PDK1: variants seen among roughly 807,000 people sequenced by gnomAD.
PDK1 encodes the protein [Pyruvate dehydrogenase (acetyl-transferring)] kinase isozyme 1, mitochondrial.
In PDK1, 39 loss-of-function variants were observed where a neutral mutation model predicts 54.2. The observed-to-expected ratio is 0.72, with a 90% confidence interval of 0.56 to 0.94. PDK1 has a LOEUF of 0.94. Ranked by LOEUF, PDK1 falls within the 40% of genes least tolerant of loss-of-function variation. PDK1 has a pLI of 0.00. For synonymous variants in PDK1, 221 were observed against 207.1 expected (o/e 1.07, Z -0.58); for missense variants, 552 against 566.0 (o/e 0.98, Z 0.25).
chr2:172,688,860 G>A, the PDK1 span, among the ~76,000 whole-genome samples: 4 of 152,298 alleles, frequency 2.6e-5, no homozygotes, highest in East Asian at 7.7e-4. Context: ...AGCATCTTCT[G>A]CTGAAGGTGT....
At chr2:172,571,879 G>C (rs1439637028) in intron 8 of PDK1, among the ~76,000 whole-genome samples, 1 of 136,874 alleles carries the variant, frequency 7.3e-6, no homozygotes, top group African/African-American at 2.8e-5. Flanking sequence ...TTGCCCCAGG[G>C]TGGAATGCGG....
chr2:172,595,779 G>T (rs1208386951), intron 10 of PDK1, 50 bp from the exon 11 acceptor site: 1 of 1,531,568 alleles, frequency 6.5e-7, no homozygotes, highest in African/African-American at 1.4e-5. Context: ...CTCAAATAAT[G>T]AATTCTAAAA....
At chr2:172,693,858 C>G in the PDK1 span, among the ~76,000 whole-genome samples, 77 of 152,312 alleles carry the variant, frequency 5.1e-4, 1 homozygote, top group Middle Eastern at 6.8e-3. Flanking sequence ...GCCCAGCCCA[C>G]TCCCTAACTA....
chr2:172,640,764 G>A, the PDK1 span, among the ~76,000 whole-genome samples: 2 of 152,140 alleles, frequency 1.3e-5, no homozygotes, highest in African/African-American at 4.8e-5. Context: ...GGGACCAAGG[G>A]CCCTCTAAAG....
chr2:172,678,979 T>C, the PDK1 span: 3 of 151,878 alleles, frequency 2.0e-5, no homozygotes, highest in Non-Finnish European at 4.4e-5. Context: ...GAGCTTAGAG[T>C]GTATGATGTT....
At chr2:172,562,988 A>G (rs1688736953) in intron 3 of PDK1, among the ~76,000 whole-genome samples, 1 of 152,196 alleles carries the variant, frequency 6.6e-6, no homozygotes. Context: ...ATTTTTTTAA[A>G]CATGATTTTA....
At chr2:172,704,037 G>A in the PDK1 span, among the ~76,000 whole-genome samples, 1 of 151,966 alleles carries the variant, frequency 6.6e-6, no homozygotes, top group Non-Finnish European at 1.5e-5. Context: ...GCCTCCCAAA[G>A]TGCTGGGATT....
At chr2:172,698,669 A>G in the PDK1 span, among the ~76,000 whole-genome samples, 1 of 152,244 alleles carries the variant, frequency 6.6e-6, no homozygotes, top group Non-Finnish European at 1.5e-5. Context: ...CAGCATTCAC[A>G]TGGGTAACAA....
intron 7 of PDK1, 70 bp downstream of exon 7, chr2:172,568,887 A>G (rs1388828260): frequency 8.2e-6 from 7 of 852,876 alleles, no homozygotes; most frequent in African/African-American, 3.3e-5. Context: ...CTGAAAGCCA[A>G]ATATTCCACT....
the PDK1 span, among the ~76,000 whole-genome samples, chr2:172,667,711 T>C: frequency 9.9e-5 from 15 of 152,244 alleles, no homozygotes; most frequent in Admixed American, 9.8e-4. Flanking sequence ...TTCTGTATTC[T>C]GTAGTGCTCT....
the PDK1 span, among the ~76,000 whole-genome samples, chr2:172,622,573 CAT>C: frequency 8.6e-5 from 12 of 139,888 alleles, no homozygotes; most frequent in African/African-American, 1.9e-4. Flanking sequence ...GTTTATATCT[CAT>C]ATATTATGTG....
At chr2:172,639,275 C>A in the PDK1 span, among the ~76,000 whole-genome samples, 2 of 152,186 alleles carry the variant, frequency 1.3e-5, no homozygotes, top group African/African-American at 4.8e-5. Context: ...ATGTAGCCAG[C>A]CGTGGAGGGA....
the PDK1 span, among the ~76,000 whole-genome samples, chr2:172,620,558 T>TCC: frequency 6.6e-6 from 1 of 152,026 alleles, no homozygotes; most frequent in Non-Finnish European, 1.5e-5. Flanking sequence ...TAGCTCTGTC[T>TCC]CCCCCACTCA....
At chr2:172,670,603 G>A in the PDK1 span, among the ~76,000 whole-genome samples, 1 of 151,546 alleles carries the variant, frequency 6.6e-6, no homozygotes. Flanking sequence ...ATTTCCCTTG[G>A]GCATTAAGTA....
rs1412477195 is a variant in PDK1 at position 172,602,741 on chromosome 2, A to G, written c.*6772A>G. On this transcript the variant is annotated 3_prime_UTR_variant, in exon 11 of 11. Transcript: ENST00000282077. The stretch of plus-strand genomic sequence containing the variant: ...GTGTTTGGGTAAACATTAGACTTAT[A>G]AAAGGGCCTAGGGTTTTTTTGTTTG... The G allele has an allele frequency of 6.6e-6, 1 of 152,208 alleles. No individual in the cohort carries two copies. Among genetic ancestry groups the G allele is most frequent in the African/African-American group, 2.4e-5 (1 of 41,454 alleles). 9.4% of individuals were successfully genotyped at this position (152,208 alleles called of 1,614,324 possible). A position where few individuals can be genotyped will look rare whatever the true frequency, so the allele number is the denominator to read the frequency against.
At chr2:172,689,558 A>G in the PDK1 span, among the ~76,000 whole-genome samples, 2 of 152,216 alleles carry the variant, frequency 1.3e-5, no homozygotes, top group South Asian at 4.1e-4. Flanking sequence ...CCTAAGCAAA[A>G]AGAACAAAGC....
chr2:172,604,957 AGC>A lies in PDK1; in HGVS notation c.*8989_*8990del, dbSNP rs1374112593. ...ATGGCAGGCAGTAAATGGCTTATTA[AGC>A]AAGTATAAGATTCAAGATCTCAGCC... On this transcript the variant is annotated 3_prime_UTR_variant, in exon 11 of 11. Coordinates refer to ENST00000282077, the MANE Select transcript of PDK1 (RefSeq NM_002610.5). 18 of 152,236 alleles carry A rather than the reference AGC, an allele frequency of 1.2e-4. No individual in the cohort carries two copies. Among genetic ancestry groups the A allele is most frequent in the Non-Finnish European group, 1.9e-4 (13 of 68,048 alleles). 9.4% of individuals were successfully genotyped at this position (152,236 alleles called of 1,614,324 possible).
At position 172,604,123 on chromosome 2, in the gene PDK1, C is replaced by T. The variant is rs1038742297; in HGVS notation, c.*8154C>T. 6.6e-6 allele frequency: 1 copy of T among 152,010 alleles called. No individual in the cohort carries two copies. The highest frequency in any genetic ancestry group is 1.5e-5 in the Non-Finnish European group (1 of 68,014). The allele number at this position is 152,010 out of a possible 1,614,324, so 9.4% of individuals were successfully genotyped here. On this transcript the variant is annotated 3_prime_UTR_variant, in exon 11 of 11. Coordinates refer to ENST00000282077, the MANE Select transcript of PDK1 (RefSeq NM_002610.5). ...GGACAGAGTCTTGCTCTGAGATTAC[C>T]CAGGCTGGAGTTTAGTAGCATGATC...
At chr2:172,664,200 A>T in the PDK1 span, among the ~76,000 whole-genome samples, 1 of 145,666 alleles carries the variant, frequency 6.9e-6, no homozygotes, top group Admixed American at 7.2e-5. Flanking sequence ...AATCCCAGCT[A>T]CTCGGGAGGC....
Sources: gnomAD v4.1 joint callset for allele counts (sites outside exome capture counted in the v4.1 genomes callset) on GRCh38, gnomAD v4.1.1 for gene constraint, MANE v1.5 for transcripts, NCBI Gene and HGNC (gene_info 2026-07-23, HGNC 2026-07-21) for gene names.